The following XYLB variants were observed in gnomAD, a reference collection of about 807,000 sequenced individuals.
XYLB encodes the protein xylulose kinase.
Under a neutral mutation model 78.7 loss-of-function variants are expected in XYLB, and 62 were observed. That is an observed-to-expected ratio of 0.79 (90% CI 0.64 to 0.97). The LOEUF (loss-of-function observed/expected upper bound fraction) is 0.97, where lower values mean the gene tolerates loss of function less well. Ranked by LOEUF, XYLB falls within the 50% of genes least tolerant of loss-of-function variation. The probability of loss-of-function intolerance (pLI) is 0.00; values close to 1 mark genes in which losing one functional copy is unlikely to be tolerated. For missense variants in XYLB, 687 were observed against 676.8 expected, an observed-to-expected ratio of 1.02 and a Z score of -0.17; for synonymous variants, 245 against 247.4, an observed-to-expected ratio of 0.99 and a Z score of 0.09.
chr3:38,352,909 T>C lies in XYLB; in HGVS notation c.140+4277T>C, dbSNP rs192253369. 3.8e-4 allele frequency among the ~76,000 whole-genome samples: 58 copies of C among 152,232 alleles called. No homozygotes were observed. The East Asian group carries it at 5.8e-3, about 15-fold the overall frequency. ...GAGCTCACAGGTGGGATTAAGACTT[T>C]TCACTGTTATATGGGGTTTCACCAT... is the stretch of plus-strand genomic sequence containing the variant. On this transcript the variant is annotated intron_variant, in intron 2 of 18. Coordinates refer to ENST00000207870, the MANE Select transcript of XYLB (RefSeq NM_005108.4).
At chr3:38,407,096 T>G (rs879732874) in intron 18 of XYLB, among the ~76,000 whole-genome samples, 24 of 146,364 alleles carry the variant, frequency 1.6e-4, no homozygotes, top group Non-Finnish European at 3.3e-4. Flanking sequence ...TTCACCAAAG[T>G]TGAAATGAAG....
intron 3 of XYLB, among the ~76,000 whole-genome samples, chr3:38,361,250 G>A (rs1331840362): frequency 6.6e-6 from 1 of 151,980 alleles, no homozygotes; most frequent in East Asian, 1.9e-4. Context: ...ACAGGAGCAG[G>A]GATGTGGACA....
chr3:38,372,643 C>T lies in XYLB; in HGVS notation c.766-12C>T. On this transcript the variant is annotated splice_polypyrimidine_tract_variant and intron_variant, in intron 9 of 18. Transcript: ENST00000207870. Reference sequence around the variant, plus strand: ...CTCAACAGAGCACCTTTGCTTTGTCCCCGTCCCTCAGGGAGCCATTTCTTC... The same window carrying T: ...CTCAACAGAGCACCTTTGCTTTGTCTCCGTCCCTCAGGGAGCCATTTCTTC... 6.2e-7 allele frequency: 1 copy of T among 1,614,048 alleles called. No individual in the cohort carries two copies. Among genetic ancestry groups the T allele is most frequent in the Non-Finnish European group, 8.5e-7 (1 of 1,179,968 alleles).
At chr3:38,400,617 A>G (rs1482349357) in intron 17 of XYLB, among the ~76,000 whole-genome samples, 1 of 152,156 alleles carries the variant, frequency 6.6e-6, no homozygotes, top group Non-Finnish European at 1.5e-5. Context: ...AACCACAAAG[A>G]GAAAGACAAG....
At chr3:38,420,310 T>C (rs1708935854) in exon 18 of XYLB, among the ~76,000 whole-genome samples, 1 of 152,230 alleles carries the variant, frequency 6.6e-6, no homozygotes, top group Admixed American at 6.5e-5. Context: ...CTTTCTGCAA[T>C]GGCTAGAATG....
At chr3:38,409,216 G>A (rs1575542762) in intron 18 of XYLB, among the ~76,000 whole-genome samples, 1 of 152,190 alleles carries the variant, frequency 6.6e-6, no homozygotes, top group Non-Finnish European at 1.5e-5. Flanking sequence ...TCCCTGAGAT[G>A]CAAGGCTGGT....
chr3:38,409,143 TACTG>T (rs1708465197), intron 18 of XYLB, among the ~76,000 whole-genome samples: 1 of 152,214 alleles, frequency 6.6e-6, no homozygotes, highest in Non-Finnish European at 1.5e-5. Context: ...CTCAATAAAA[TACTG>T]GCAAACCAAA....
intron 18 of XYLB, among the ~76,000 whole-genome samples, chr3:38,411,520 T>G (rs62239910): frequency 0.066 from 10,006 of 151,674 alleles, 501 homozygotes; most frequent in East Asian, 0.19. Context: ...CCCTAAAACT[T>G]AAAGTATAAA....
chr3:38,422,534 G>A (rs1218177784), downstream of XYLB, among the ~76,000 whole-genome samples: 2 of 152,180 alleles, frequency 1.3e-5, no homozygotes, highest in South Asian at 4.1e-4. Flanking sequence ...CTGGCCGTCT[G>A]TGTGGCCAAT....
the XYLB span, among the ~76,000 whole-genome samples, chr3:38,442,641 C>A: frequency 6.6e-6 from 1 of 150,966 alleles, no homozygotes; most frequent in African/African-American, 2.4e-5. Context: ...CTTATTAATG[C>A]GTCTAAGATC....
the XYLB span, among the ~76,000 whole-genome samples, chr3:38,446,851 T>TG: frequency 6.6e-6 from 1 of 152,184 alleles, no homozygotes; most frequent in South Asian, 2.1e-4. Context: ...TCCTGGACAT[T>TG]GGTCTAGGCA....
chr3:38,428,272 T>C, the XYLB span, among the ~76,000 whole-genome samples: 2 of 152,218 alleles, frequency 1.3e-5, no homozygotes, highest in Non-Finnish European at 2.9e-5. Flanking sequence ...ATGTTATGTG[T>C]GCATTTGAAA....
chr3:38,365,402 A>C lies in XYLB; in HGVS notation c.378+117A>C, dbSNP rs1177770148. 11 of 1,366,484 alleles carry C rather than the reference A, an allele frequency of 8.0e-6. No homozygotes were observed. The South Asian group carries it at 1.4e-4, about 18-fold the overall frequency. The allele number at this position is 1,366,484 out of a possible 1,614,324, so 84.6% of individuals were successfully genotyped here. A position where few individuals can be genotyped will look rare whatever the true frequency, so the allele number is the denominator to read the frequency against. ...TGTGCTCACGCGCCCTCACCAGAAG[A>C]GCTTTCAACCTCAGGCTTTTGGGGA... On this transcript the variant is annotated intron_variant, in intron 5 of 18. Coordinates refer to ENST00000207870, the MANE Select transcript of XYLB (RefSeq NM_005108.4).
At chr3:38,446,525 A>G in the XYLB span, among the ~76,000 whole-genome samples, 3 of 152,234 alleles carry the variant, frequency 2.0e-5, no homozygotes, top group East Asian at 5.8e-4. Flanking sequence ...AATATATTAC[A>G]GGGATGTATT....
the XYLB span, among the ~76,000 whole-genome samples, chr3:38,440,814 TTC>T: frequency 1.5e-4 from 23 of 151,760 alleles, no homozygotes; most frequent in Non-Finnish European, 2.4e-4. Context: ...CTCTCTCTCT[TTC>T]TCTCTCTTTC....
At chr3:38,437,047 C>T in the XYLB span, among the ~76,000 whole-genome samples, 10 of 98,400 alleles carry the variant, frequency 1.0e-4, no homozygotes, top group Admixed American at 3.1e-4. Flanking sequence ...ATAATAATAA[C>T]AAAAACCAAA....
the XYLB span, among the ~76,000 whole-genome samples, chr3:38,444,178 C>A: frequency 6.6e-6 from 1 of 152,174 alleles, no homozygotes. Flanking sequence ...ATCTATATAC[C>A]TATCAAGATC....
chr3:38,439,181 T>C, the XYLB span, among the ~76,000 whole-genome samples: 1 of 152,154 alleles, frequency 6.6e-6, no homozygotes, highest in African/African-American at 2.4e-5. Flanking sequence ...TCCTGCTGGA[T>C]AGGGGCGAAG....
chr3:38,419,199 G>A (rs78014874), downstream of XYLB, among the ~76,000 whole-genome samples: 3 of 152,050 alleles, frequency 2.0e-5, no homozygotes, highest in Non-Finnish European at 2.9e-5. Flanking sequence ...AATTTTGCAT[G>A]TGTAAAATAG....
Sources: allele counts gnomAD v4.1 joint callset (sites outside exome capture counted in the v4.1 genomes callset), GRCh38; gene constraint gnomAD v4.1.1; transcripts MANE v1.5; gene names NCBI Gene and HGNC (gene_info 2026-07-23, HGNC 2026-07-21).